Variants in TSC2 observed in about 807,000 individuals in gnomAD.
TSC2 encodes tuberin.
TSC2 carries 29 observed loss-of-function variants against 202.2 expected under a neutral mutation model. The ratio of observed to expected loss-of-function variants is 0.14; its 90% CI spans 0.11 to 0.20. The LOEUF is 0.20. Ranked by LOEUF, TSC2 falls within the 10% of genes least tolerant of loss-of-function variation. The probability of loss-of-function intolerance (pLI) is 1.00; values close to 1 mark genes in which losing one functional copy is unlikely to be tolerated. For synonymous variants in TSC2, 1,349 were observed against 1,044.0 expected (o/e 1.29, Z -5.63); for missense variants, 2,429 against 2,420.0 (o/e 1.00, Z -0.08).
intron 16 of TSC2, 130 bp from the exon 17 acceptor site, chr16:2,070,326 T>TA: frequency 6.6e-7 from 1 of 1,509,298 alleles, no homozygotes; most frequent in Non-Finnish European, 9.1e-7. Flanking sequence ...GGTCCTGGGT[T>TA]TGAAGGTCGT....
At position 2,084,495 on chromosome 16, in the gene TSC2, G is replaced by C. The variant is rs763497329; in HGVS notation, c.4273G>C (p.Gly1425Arg). ...KARSQSGTLD[G>R]ESAAWSASGE... ...CCGGTCACAGTCAGGGACCCTGGAC[G>C]GGGAAAGTGCTGCCTGGTCGGCCTC... The change falls in exon 34 of 42, where the codon GGG becomes CGG. Residue 1425 changes from glycine (G) to arginine (R), a missense_variant. Transcript: ENST00000219476. The C allele has an allele frequency of 3.7e-6, 6 of 1,609,154 alleles. No individual in the cohort carries two copies. Among genetic ancestry groups the C allele is most frequent in the Non-Finnish European group, 5.1e-6 (6 of 1,178,648 alleles).
chr16:2,086,656 A>G, intron 37 of TSC2, 76 bp from the exon 38 acceptor site: 2 of 1,593,448 alleles, frequency 1.3e-6, no homozygotes, highest in Non-Finnish European at 1.7e-6. Context: ...TGGAGTAATC[A>G]GGAGGTGCCC....
rs886038358 is a variant in TSC2 at position 2,058,741 on chromosome 16, T to G, written c.849-6T>G. 6.3e-7 allele frequency: 1 copy of G among 1,576,790 alleles called. No homozygotes were observed. Among genetic ancestry groups the G allele is most frequent in the African/African-American group, 1.3e-5 (1 of 74,426 alleles). On this transcript the variant is annotated splice_region_variant and splice_polypyrimidine_tract_variant and intron_variant, in intron 9 of 41. Coordinates refer to ENST00000219476, the MANE Select transcript of TSC2 (RefSeq NM_000548.5). ...CACATTCCGTCTCTCTGGGGAACAC[T>G]TTTAGAGCCTACATGGAGGACGCGC... is the stretch of plus-strand genomic sequence containing the variant.
chr16:2,089,416 C>G lies in TSC2; in HGVS notation c.*806C>G, dbSNP rs1277385607. 1 of 465,316 alleles carries G rather than the reference C, an allele frequency of 2.1e-6. No homozygotes were observed. The allele number at this position is 465,316 out of a possible 1,614,324, so 28.8% of individuals were successfully genotyped here. A position where few individuals can be genotyped will look rare whatever the true frequency, so the allele number is the denominator to read the frequency against. On this transcript the variant is annotated 3_prime_UTR_variant, in exon 42 of 42. Transcript: ENST00000219476. ...AGCCTTAGCAGTGGGGGACATCTGC[C>G]CAGGGGGTGGGGCCGGGCACAGCCC... is the stretch of plus-strand genomic sequence containing the variant.
intron 7 of TSC2, 37 bp downstream of exon 7, chr16:2,056,281 C>A: frequency 6.2e-7 from 1 of 1,613,492 alleles, no homozygotes; most frequent in South Asian, 1.1e-5. Context: ...GCCCATTTCA[C>A]CCTGGTTTCT....
intron 21 of TSC2, 65 bp from the exon 22 acceptor site, chr16:2,074,135 C>T (rs933220579): frequency 2.0e-5 from 32 of 1,598,918 alleles, no homozygotes; most frequent in Non-Finnish European, 2.3e-5. Context: ...TCGAGGTTGG[C>T]GAGGGGTAGG....
chr16:2,088,731 T>G lies in TSC2; in HGVS notation c.*121T>G. On this transcript the variant is annotated 3_prime_UTR_variant, in exon 42 of 42. Coordinates refer to ENST00000219476, the MANE Select transcript of TSC2 (RefSeq NM_000548.5). ...GATTGCAGTCAGACAGCTCTTTTAT[T>G]GACTTTGTCTGCTTGGTGCGGGGGT... is the stretch of plus-strand genomic sequence containing the variant. 7.4e-7 allele frequency: 1 copy of G among 1,349,432 alleles called. No homozygotes were observed. Among genetic ancestry groups the G allele is most frequent in the South Asian group, 1.3e-5 (1 of 74,854 alleles). 83.6% of individuals were successfully genotyped at this position (1,349,432 alleles called of 1,614,324 possible).
At chr16:2,081,422 G>A (rs112976855) in intron 30 of TSC2, 173 bp from the exon 31 acceptor site, 19 of 828,802 alleles carry the variant, frequency 2.3e-5, no homozygotes, top group Non-Finnish European at 3.6e-5. Flanking sequence ...GGCTGAGCGG[G>A]GCAGCAGGGT....
At chr16:2,085,192 G>T (rs770778907) in intron 35 of TSC2, 38 bp from the exon 36 acceptor site, 1 of 1,611,938 alleles carries the variant, frequency 6.2e-7, no homozygotes, top group Non-Finnish European at 8.5e-7. Context: ...TCCTGTGGAC[G>T]GGCGTCTGGG....
intron 26 of TSC2, 113 bp downstream of exon 26, chr16:2,077,839 T>G: frequency 6.4e-7 from 1 of 1,561,066 alleles, no homozygotes; most frequent in South Asian, 1.1e-5. Flanking sequence ...GTGTCCTCCC[T>G]GGCCAGCCCA....
rs774262191 is a variant in TSC2, at chr16:2,079,949, C to G, written c.3398-216C>G. 6.6e-5 allele frequency among the ~76,000 whole-genome samples: 10 copies of G among 152,342 alleles called. No homozygotes were observed. The highest frequency in any genetic ancestry group is 3.4e-3 in the Middle Eastern group (1 of 292). Reference sequence around the variant, plus strand: ...GGAGCCCTTCTCTGCTCCAGCGAGCCGTGGTCTGACTGCAGGACAGGTTCT... The same window carrying G: ...GGAGCCCTTCTCTGCTCCAGCGAGCGGTGGTCTGACTGCAGGACAGGTTCT... On this transcript the variant is annotated intron_variant, in intron 29 of 41. Coordinates refer to ENST00000219476, the MANE Select transcript of TSC2 (RefSeq NM_000548.5). This position sits in a 1 kb window ranked among gnomAD's most constrained non-coding sequence, Gnocchi z 4.6.
At chr16:2,082,260 C>T (rs2090233832) in intron 31 of TSC2, 176 bp from the exon 32 acceptor site, 2 of 704,182 alleles carry the variant, frequency 2.8e-6, no homozygotes, top group South Asian at 3.3e-5. Context: ...GAGGGAGGCA[C>T]TGCCCTCCTC....
chr16:2,065,354 A>C (rs537580278), intron 15 of TSC2, 165 bp from the exon 16 acceptor site: 2 of 665,578 alleles, frequency 3.0e-6, no homozygotes, highest in South Asian at 3.3e-5. Context: ...CGGAGCTTGT[A>C]GTGAGCTGAG....
chr16:2,082,279 C>A, intron 31 of TSC2, 157 bp from the exon 32 acceptor site: 1 of 814,416 alleles, frequency 1.2e-6, no homozygotes, highest in Non-Finnish European at 2.1e-6. Flanking sequence ...TCAGGTCTGC[C>A]CAAGCAGCTT....
At chr16:2,059,214 C>T (rs1257152271) in intron 10 of TSC2, among the ~76,000 whole-genome samples, 4 of 150,138 alleles carry the variant, frequency 2.7e-5, no homozygotes, top group African/African-American at 7.4e-5. Flanking sequence ...GACGGGGTTT[C>T]GCCATGTTGG....
intron 13 of TSC2, 55 bp from the exon 14 acceptor site, chr16:2,062,917 T>C (rs2086811884): frequency 1.1e-5 from 17 of 1,532,012 alleles, no homozygotes; most frequent in Non-Finnish European, 1.5e-5. Flanking sequence ...GACGGGCTGG[T>C]GTGGGGCTGT....
Position 2,080,205 on chromosome 16 carries a change from C to G in TSC2, c.3438C>G (p.Ala1146=). 6.2e-7 allele frequency: 1 copy of G among 1,612,990 alleles called. No individual in the cohort carries two copies. The highest frequency in any genetic ancestry group is 8.5e-7 in the Non-Finnish European group (1 of 1,180,010). The change falls in exon 30 of 42, where the codon GCC becomes GCG. Residue 1146 remains alanine (A), a synonymous_variant. Coordinates refer to ENST00000219476, the MANE Select transcript of TSC2 (RefSeq NM_000548.5). Reference sequence around the variant, plus strand: ...GAGTTGGCGCCCTGGACGTGCCGGCCTCCCAGTTCCTGGGCAGTGCCACTT... The same window carrying G: ...GAGTTGGCGCCCTGGACGTGCCGGCGTCCCAGTTCCTGGGCAGTGCCACTT... The part of the protein sequence containing the change: ...GLRVGALDVP[A]SQFLGSATSP...
At position 2,082,504 on chromosome 16, in the gene TSC2, G is replaced by C; in HGVS notation, c.3883G>C (p.Asp1295His). Reference protein sequence around the residue: ...GQLHRSVSWADSAVVMEEGSP... With the variant: ...GQLHRSVSWAHSAVVMEEGSP... ...GCTGCACAGGAGCGTTTCCTGGGCAGGTATCGCCTCTCAGAGGGAAGCGGT... is the reference window on the plus strand; with the variant it reads ...GCTGCACAGGAGCGTTTCCTGGGCACGTATCGCCTCTCAGAGGGAAGCGGT... Residue 1295 changes from aspartate (D) to histidine (H), a missense_variant and splice_region_variant, in exon 32 of 42, where the codon GAC (aspartate) becomes CAC (histidine). By Grantham distance (81) the Asp-to-His change is moderately conservative. Transcript: ENST00000219476. 1 of 1,611,438 alleles carries C rather than the reference G, an allele frequency of 6.2e-7. No individual in the cohort carries two copies. Among genetic ancestry groups the C allele is most frequent in the Non-Finnish European group, 8.5e-7 (1 of 1,179,990 alleles).
At chr16:2,071,378 G>C in intron 17 of TSC2, 132 bp from the exon 18 acceptor site, 1 of 829,650 alleles carries the variant, frequency 1.2e-6, no homozygotes, top group South Asian at 1.4e-5. Context: ...TTGGGATGTG[G>C]GTGTGTGCAC....
Sources: gnomAD v4.1 joint callset for allele counts (sites outside exome capture counted in the v4.1 genomes callset) on GRCh38, gnomAD v4.1.1 for gene constraint, Gnocchi (gnomAD v3.1) non-coding constraint, MANE v1.5 for transcripts, NCBI Gene and HGNC (gene_info 2026-07-23, HGNC 2026-07-21) for gene names.